The following GAB4 variants were observed in gnomAD, a reference collection of about 807,000 sequenced individuals.
GAB4 encodes GRB2-associated-binding protein 4.
In GAB4, 26 loss-of-function variants were observed where a neutral mutation model predicts 51.3. The observed-to-expected ratio is 0.51, with a 90% confidence interval of 0.37 to 0.70. GAB4 has a LOEUF of 0.70. Ranked by LOEUF, GAB4 falls within the 30% of genes least tolerant of loss-of-function variation. GAB4 has a pLI of 0.00. For synonymous variants in GAB4, 329 were observed against 291.2 expected (o/e 1.13, Z -1.32); for missense variants, 759 against 734.6 (o/e 1.03, Z -0.38).
chr22:16,992,725 C>T lies in GAB4; in HGVS notation c.175-549G>A, dbSNP rs78657467. ...CTCTGAAGCACAGGACTTCAGGATGCTTCTTTTTTAAGGGACACAGTCTTA... is the reference window on the plus strand; with the variant it reads ...CTCTGAAGCACAGGACTTCAGGATGTTTCTTTTTTAAGGGACACAGTCTTA... On this transcript the variant is annotated intron_variant, in intron 1 of 9. Coordinates refer to ENST00000400588, the MANE Select transcript of GAB4 (RefSeq NM_001037814.1). Among the ~76,000 whole-genome samples, 370 of 152,250 alleles carry T rather than the reference C, an allele frequency of 2.4e-3. 1 individual carries two copies. Among genetic ancestry groups the T allele is most frequent in the Non-Finnish European group, 4.2e-3 (283 of 68,006 alleles).
In GAB4 at chr22:16,962,638, T is replaced by C. The variant is rs1341469401; in HGVS notation, c.*95A>G. 1 of 1,192,128 alleles carries C rather than the reference T, an allele frequency of 8.4e-7. No individual in the cohort carries two copies. The highest frequency in any genetic ancestry group is 1.2e-6 in the Non-Finnish European group (1 of 856,982). The allele number at this position is 1,192,128 out of a possible 1,614,324, so 73.8% of individuals were successfully genotyped here. A position where few individuals can be genotyped will look rare whatever the true frequency, so the allele number is the denominator to read the frequency against. ...ATTGATCAGGCCTCTGCTCTCTATG[T>C]AAGGGATGCGGTCCCTGATATTACA... On this transcript the variant is annotated 3_prime_UTR_variant, in exon 10 of 10. Coordinates refer to ENST00000400588, the MANE Select transcript of GAB4 (RefSeq NM_001037814.1).
At chr22:16,964,913 C>T in intron 7 of GAB4, 51 bp from the exon 8 acceptor site, 2 of 1,409,422 alleles carry the variant, frequency 1.4e-6, no homozygotes, top group Non-Finnish European at 1.0e-6. Context: ...CTCAGGGCTG[C>T]TGTCAGGGCT....
chr22:16,985,306 T>A (rs1351698819), intron 3 of GAB4, among the ~76,000 whole-genome samples: 2 of 152,240 alleles, frequency 1.3e-5, no homozygotes, highest in Non-Finnish European at 2.9e-5. Flanking sequence ...TCTGTTTCTA[T>A]GTACTGAGTT....
Position 16,971,467 on chromosome 22 carries a change from G to C in GAB4, c.687-1274C>G, listed in dbSNP as rs181892891. Reference sequence around the variant, plus strand: ...TGTGTGGGCGCTCTAGGAAATTGCAGGATGTAGTTCTGAGCAAGTATGGAT... The same window carrying C: ...TGTGTGGGCGCTCTAGGAAATTGCACGATGTAGTTCTGAGCAAGTATGGAT... On this transcript the variant is annotated intron_variant, in intron 3 of 9. Coordinates refer to ENST00000400588, the MANE Select transcript of GAB4 (RefSeq NM_001037814.1). 1.7e-3 allele frequency among the ~76,000 whole-genome samples: 265 copies of C among 152,316 alleles called. 1 individual carries two copies. The highest frequency in any genetic ancestry group is 2.4e-3 in the Non-Finnish European group (162 of 68,010).
chr22:17,007,095 T>C (rs1461059510), intron 1 of GAB4, among the ~76,000 whole-genome samples: 1 of 152,152 alleles, frequency 6.6e-6, no homozygotes, highest in African/African-American at 2.4e-5. Context: ...GGAAGATGAC[T>C]ATAGGATCAG....
chr22:17,006,186 C>G (rs1230984467), intron 1 of GAB4, among the ~76,000 whole-genome samples: 1 of 152,060 alleles, frequency 6.6e-6, no homozygotes, highest in Non-Finnish European at 1.5e-5. Context: ...AAAAAAACAA[C>G]AACACTATCA....
At chr22:16,979,441 C>T (rs1410328466) in intron 3 of GAB4, among the ~76,000 whole-genome samples, 3 of 152,082 alleles carry the variant, frequency 2.0e-5, no homozygotes, top group Admixed American at 6.6e-5. Context: ...GAATAAAATG[C>T]CTAGGAATAG....
chr22:16,982,350 T>C (rs1238203410), intron 3 of GAB4, among the ~76,000 whole-genome samples: 2 of 152,150 alleles, frequency 1.3e-5, no homozygotes, highest in African/African-American at 2.4e-5. Flanking sequence ...AAAATCAATA[T>C]GTAAAAATCA....
At chr22:16,982,942 C>G (rs1006830376) in intron 3 of GAB4, among the ~76,000 whole-genome samples, 30 of 152,194 alleles carry the variant, frequency 2.0e-4, no homozygotes, top group African/African-American at 7.0e-4. Flanking sequence ...CATAAAACCC[C>G]TCGTGGCGTG....
In GAB4 at chr22:16,991,937, C is replaced by T; in HGVS notation, c.414G>A (p.Glu138=). Reference sequence around the variant, plus strand: ...TGCTCTGGACCCACTCATTCATGTCCTCCCTGGTCTCAGCCACCAGGTAAA... The same window carrying T: ...TGCTCTGGACCCACTCATTCATGTCTTCCCTGGTCTCAGCCACCAGGTAAA... ...RTFYLVAETR[E]DMNEWVQSIC... is the part of the protein sequence containing the mutation. Residue 138 remains glutamate, a synonymous_variant, in exon 2 of 10, where the codon GAG becomes GAA. Transcript: ENST00000400588. 6.2e-7 allele frequency: 1 copy of T among 1,613,920 alleles called. No individual in the cohort carries two copies. The highest frequency in any genetic ancestry group is 1.3e-5 in the African/African-American group (1 of 75,054).
chr22:16,986,379 A>C (rs1285786906), intron 3 of GAB4, among the ~76,000 whole-genome samples: 1 of 152,206 alleles, frequency 6.6e-6, no homozygotes, highest in Admixed American at 6.5e-5. Context: ...GGAAGACCTC[A>C]GTTCTCTCTG....
chr22:16,984,420 C>A (rs2060851275), intron 3 of GAB4, among the ~76,000 whole-genome samples: 1 of 152,204 alleles, frequency 6.6e-6, no homozygotes, highest in South Asian at 2.1e-4. Flanking sequence ...ACTAGAACTA[C>A]CATATGATCC....
chr22:16,989,558 G>A (rs141959112), intron 2 of GAB4, among the ~76,000 whole-genome samples: 1 of 152,346 alleles, frequency 6.6e-6, no homozygotes, highest in East Asian at 1.9e-4. Flanking sequence ...GAGCTCCCAT[G>A]CAGGTCTCCT....
chr22:16,997,458 G>C (rs1234890854), intron 1 of GAB4, among the ~76,000 whole-genome samples: 1 of 152,270 alleles, frequency 6.6e-6, no homozygotes, highest in East Asian at 1.9e-4. Flanking sequence ...ATAAGTGTCT[G>C]TTCATATCCT....
At chr22:16,967,377 G>T (rs181567591) in intron 5 of GAB4, 3 of 152,754 alleles carry the variant, frequency 2.0e-5, no homozygotes, top group Non-Finnish European at 4.4e-5. Context: ...GCACCATGCA[G>T]ATGTGGCCTC....
At chr22:17,000,127 G>A (rs2060985577) in intron 1 of GAB4, among the ~76,000 whole-genome samples, 2 of 152,184 alleles carry the variant, frequency 1.3e-5, no homozygotes, top group East Asian at 3.8e-4. Context: ...GTTGATTTGG[G>A]GTGGAGAGTT....
At chr22:16,983,386 G>C (rs943293796) in intron 3 of GAB4, among the ~76,000 whole-genome samples, 14 of 152,010 alleles carry the variant, frequency 9.2e-5, no homozygotes, top group African/African-American at 3.4e-4. Context: ...ACTACCTAAA[G>C]AAATCTGCAG....
At chr22:16,997,737 T>C (rs891689187) in intron 1 of GAB4, among the ~76,000 whole-genome samples, 4 of 152,222 alleles carry the variant, frequency 2.6e-5, no homozygotes, top group Non-Finnish European at 5.9e-5. Flanking sequence ...ATGTCCTGAA[T>C]GGGATTGCCT....
At chr22:16,969,579 C>T in intron 4 of GAB4, 1 of 496,176 alleles carries the variant, frequency 2.0e-6, no homozygotes, top group Non-Finnish European at 3.5e-6. Context: ...CACCTCCCCT[C>T]TCCCTCTGGG....
Sources: allele counts gnomAD v4.1 joint callset (sites outside exome capture counted in the v4.1 genomes callset), GRCh38; gene constraint gnomAD v4.1.1; transcripts MANE v1.5; gene names NCBI Gene and HGNC (gene_info 2026-07-23, HGNC 2026-07-21).